SEMA3C: variants seen among roughly 807,000 people sequenced by gnomAD.
SEMA3C encodes the protein semaphorin 3C.
Under a neutral mutation model 89.4 loss-of-function variants are expected in SEMA3C, and 47 were observed. The ratio of observed to expected loss-of-function variants is 0.53; its 90% CI spans 0.42 to 0.67. The LOEUF is 0.67. SEMA3C is among the 30% of genes least tolerant of loss of function. The probability of loss-of-function intolerance (pLI) is 0.00; values close to 1 mark genes in which losing one functional copy is unlikely to be tolerated. For missense variants in SEMA3C, 839 were observed against 929.1 expected (o/e 0.90, Z 1.26); for synonymous variants, 310 against 320.2 (o/e 0.97, Z 0.34).
chr7:80,921,923 A>T (rs1792416016), upstream of SEMA3C, among the ~76,000 whole-genome samples: 1 of 152,180 alleles, frequency 6.6e-6, no homozygotes, highest in Admixed American at 6.5e-5. Context: ...ACATTATCTT[A>T]TTTCAAATTT....
intron 4 of SEMA3C, among the ~76,000 whole-genome samples, chr7:80,820,061 T>TTC (rs1366411774): frequency 4.0e-5 from 6 of 149,670 alleles, no homozygotes; most frequent in Non-Finnish European, 7.4e-5. Flanking sequence ...CTCCTTTTTT[T>TTC]TTTTTTTTTT....
chr7:80,784,964 T>C (rs534952952), intron 12 of SEMA3C, among the ~76,000 whole-genome samples: 1 of 152,262 alleles, frequency 6.6e-6, no homozygotes, highest in East Asian at 1.9e-4. Flanking sequence ...ATGAAAACCA[T>C]AAGAAATAAA....
chr7:80,901,809 A>T (rs1055537649), intron 2 of SEMA3C, among the ~76,000 whole-genome samples: 3 of 152,266 alleles, frequency 2.0e-5, no homozygotes, highest in Admixed American at 2.0e-4. Context: ...ATTGTACATT[A>T]TAAGGTATTA....
At chr7:80,878,867 TC>T (rs1791263337) in intron 2 of SEMA3C, among the ~76,000 whole-genome samples, 1 of 151,938 alleles carries the variant, frequency 6.6e-6, no homozygotes, top group Admixed American at 6.6e-5. Flanking sequence ...AAAGATGAAT[TC>T]AAAAATATTA....
intron 2 of SEMA3C, among the ~76,000 whole-genome samples, chr7:80,855,929 CG>C (rs1267100854): frequency 6.6e-6 from 1 of 152,018 alleles, no homozygotes; most frequent in Non-Finnish European, 1.5e-5. Context: ...TAACTAGACT[CG>C]GCAAGGAGTT....
At chr7:80,798,287 C>A in intron 10 of SEMA3C, 51 bp from the exon 11 acceptor site, 9 of 1,286,700 alleles carry the variant, frequency 7.0e-6, no homozygotes, top group South Asian at 4.3e-5. Flanking sequence ...AATTAAAATA[C>A]AATTTAAAAA....
intron 2 of SEMA3C, among the ~76,000 whole-genome samples, chr7:80,871,739 T>C (rs930391700): frequency 6.6e-6 from 1 of 152,180 alleles, no homozygotes; most frequent in Non-Finnish European, 1.5e-5. Flanking sequence ...TAGTGTTTGA[T>C]ATGTATTTAT....
chr7:80,800,102 G>A (rs1353187363), intron 10 of SEMA3C, among the ~76,000 whole-genome samples: 2 of 146,432 alleles, frequency 1.4e-5, no homozygotes, highest in East Asian at 2.0e-4. Flanking sequence ...GCAGTGAGCC[G>A]AGATCGCACC....
chr7:80,829,995 C>T (rs929758403), intron 2 of SEMA3C, among the ~76,000 whole-genome samples: 5 of 152,026 alleles, frequency 3.3e-5, no homozygotes, highest in South Asian at 2.1e-4. Context: ...TGACTTAAAC[C>T]GAAATCAAAA....
intron 2 of SEMA3C, among the ~76,000 whole-genome samples, chr7:80,875,443 T>C (rs1406511833): frequency 1.3e-5 from 2 of 152,190 alleles, no homozygotes; most frequent in African/African-American, 4.8e-5. Context: ...AATTTATGAT[T>C]AACCAATTAA....
chr7:80,755,187 C>CTG (rs1562860002), intron 15 of SEMA3C, among the ~76,000 whole-genome samples: 1 of 151,470 alleles, frequency 6.6e-6, no homozygotes, highest in East Asian at 1.9e-4. Flanking sequence ...ATGCAAAGAA[C>CTG]TGCATGATAG....
At chr7:80,748,385 A>G (rs1456884744) in intron 17 of SEMA3C, among the ~76,000 whole-genome samples, 1 of 152,186 alleles carries the variant, frequency 6.6e-6, no homozygotes, top group African/African-American at 2.4e-5. Flanking sequence ...ATGCTCCCAT[A>G]AACAATGATT....
At position 80,745,081 on chromosome 7, in the gene SEMA3C, G is replaced by C. The variant is rs983903212; in HGVS notation, c.2069C>G (p.Pro690Arg). 4.3e-6 allele frequency: 7 copies of C among 1,613,896 alleles called. No individual in the cohort carries two copies. Among genetic ancestry groups the C allele is most frequent in the East Asian group, 2.2e-5 (1 of 44,878 alleles). ...GCTGAATGCCCCCATGATGTCCTTC[G>C]GGTGGAAGGGTAAAGCCCTCACAGA... ...ASSVRALPFH[P>R]KDIMGAFSHS... Residue 690 changes from proline (P) to arginine (R), a missense_variant, in exon 18 of 18, where the codon CCG becomes CGG. Physicochemically the swap from Pro to Arg is moderately radical, Grantham distance 103 (BLOSUM62 -2). Coordinates refer to ENST00000265361, the MANE Select transcript of SEMA3C (RefSeq NM_006379.5).
chr7:80,800,820 A>T lies in SEMA3C; in HGVS notation c.923T>A (p.Val308Glu). The T allele has an allele frequency of 6.6e-7, 1 of 1,512,068 alleles. No individual in the cohort carries two copies. Among genetic ancestry groups the T allele is most frequent in the Non-Finnish European group, 8.8e-7 (1 of 1,136,472 alleles). The allele number at this position is 1,512,068 out of a possible 1,614,324, so 93.7% of individuals were successfully genotyped here. Residue 308 changes from valine to glutamate, a missense_variant, in exon 10 of 18, where the codon GTG becomes GAG. Val to Glu is a moderately radical substitution (Grantham distance 121). Transcript: ENST00000265361. Reference sequence around the variant, plus strand: ...CGGGTTATCAGTTTCCAGCAGAAACACATCCTCTATAAAAAGGAAAATATT... The same window carrying T: ...CGGGTTATCAGTTTCCAGCAGAAACTCATCCTCTATAAAAAGGAAAATATT... ...PETHFDELED[V>E]FLLETDNPRT...
chr7:80,877,635 G>A (rs539158607), intron 2 of SEMA3C, among the ~76,000 whole-genome samples: 10 of 152,156 alleles, frequency 6.6e-5, no homozygotes, highest in Non-Finnish European at 1.3e-4. Flanking sequence ...GTTGAAAGAT[G>A]GAAAAAAAGA....
intron 2 of SEMA3C, among the ~76,000 whole-genome samples, chr7:80,857,079 A>G (rs901917107): frequency 5.9e-5 from 9 of 152,052 alleles, no homozygotes; most frequent in Admixed American, 2.6e-4. Context: ...TAACCTCACA[A>G]ATTTCATCAC....
At chr7:80,880,785 C>T (rs529589862) in intron 2 of SEMA3C, among the ~76,000 whole-genome samples, 11 of 152,082 alleles carry the variant, frequency 7.2e-5, no homozygotes, top group South Asian at 6.2e-4. Context: ...ATTAGCCGGG[C>T]GTGCTGACAG....
At chr7:80,818,715 G>A (rs1789672988) in intron 4 of SEMA3C, among the ~76,000 whole-genome samples, 1 of 152,170 alleles carries the variant, frequency 6.6e-6, no homozygotes, top group Admixed American at 6.5e-5. Context: ...ACGAATTTGT[G>A]CTGGGCCACA....
chr7:80,743,044 T>C lies in SEMA3C; in HGVS notation c.*1850A>G, dbSNP rs1189673197. ...TCTGAAACAATTTTACTTTTAACTT[T>C]GAGAATAGATTGGCCATAAACACAG... On this transcript the variant is annotated 3_prime_UTR_variant, in exon 18 of 18. Coordinates refer to ENST00000265361, the MANE Select transcript of SEMA3C (RefSeq NM_006379.5). 1 of 151,920 alleles carries C rather than the reference T, an allele frequency of 6.6e-6. No individual in the cohort carries two copies. Among genetic ancestry groups the C allele is most frequent in the African/African-American group, 2.4e-5 (1 of 41,436 alleles). 9.4% of individuals were successfully genotyped at this position (151,920 alleles called of 1,614,324 possible). A position where few individuals can be genotyped will look rare whatever the true frequency, so the allele number is the denominator to read the frequency against.
Sources: allele counts gnomAD v4.1 joint callset (sites outside exome capture counted in the v4.1 genomes callset), GRCh38; gene constraint gnomAD v4.1.1; transcripts MANE v1.5; gene names NCBI Gene and HGNC (gene_info 2026-07-23, HGNC 2026-07-21).